The following TMX2 variants were observed in gnomAD, a reference collection of about 807,000 sequenced individuals.
TMX2 encodes thioredoxin related transmembrane protein 2, also known as thioredoxin-related transmembrane protein 2.
In TMX2, 20 loss-of-function variants were observed where a neutral mutation model predicts 33.4. The ratio of observed to expected loss-of-function variants is 0.60; its 90% CI spans 0.42 to 0.87. The LOEUF (loss-of-function observed/expected upper bound fraction) is 0.87. Among genes scored for constraint, TMX2 ranks in the 40% least tolerant of loss-of-function variants. The pLI is 0.00. For synonymous variants in TMX2, 166 were observed against 140.7 expected (o/e 1.18, Z -1.27); for missense variants, 340 against 370.7 (o/e 0.92, Z 0.68).
chr11:57,740,092 T>G lies in TMX2; in HGVS notation c.745-7T>G, dbSNP rs766717563. On this transcript the variant is annotated splice_polypyrimidine_tract_variant and splice_region_variant and intron_variant, in intron 7 of 7. Transcript: ENST00000278422. ...CAGATCCTGACGTGTGCATCTCTTT[T>G]GTGCAGGAGAATGTGATCCGAGAAT... 76 of 1,613,796 alleles carry G rather than the reference T, an allele frequency of 4.7e-5. No individual in the cohort carries two copies. The highest frequency in any genetic ancestry group is 4.3e-4 in the Admixed American group (26 of 59,992).
intron 4 of TMX2, 61 bp downstream of exon 4, chr11:57,738,491 TC>T (rs1948886034): frequency 7.3e-7 from 1 of 1,373,230 alleles, no homozygotes; most frequent in African/African-American, 1.4e-5. Flanking sequence ...GTAGTTGTGC[TC>T]TCCATTCACT....
rs371935276 is a variant in TMX2 at position 57,737,874 on chromosome 11, G to A, written c.251-39G>A. On this transcript the variant is annotated intron_variant, in intron 2 of 7. Coordinates refer to ENST00000278422, the MANE Select transcript of TMX2 (RefSeq NM_015959.4). ...GGGACAAAGAATGGGATATAGGAGTGCACAGCCCAGCCTGACCTGTGACAT... is the reference window on the plus strand; with the variant it reads ...GGGACAAAGAATGGGATATAGGAGTACACAGCCCAGCCTGACCTGTGACAT... The A allele has an allele frequency of 1.4e-5, 22 of 1,614,078 alleles. No homozygotes were observed. The African/African-American group carries it at 2.8e-4, about 21-fold the overall frequency.
intron 1 of TMX2, among the ~76,000 whole-genome samples, chr11:57,722,047 G>C (rs1022796728): frequency 1.3e-5 from 2 of 152,108 alleles, no homozygotes; most frequent in Non-Finnish European, 2.9e-5. Context: ...CCACGCTACA[G>C]TGCAGTGGCA....
intron 1 of TMX2, among the ~76,000 whole-genome samples, chr11:57,733,340 C>G (rs2135594931): frequency 6.7e-6 from 1 of 150,216 alleles, no homozygotes; most frequent in South Asian, 2.1e-4. Flanking sequence ...ACTGCAACCT[C>G]CGCCTCTCGG....
At chr11:57,717,201 C>T (rs936101769) in intron 1 of TMX2, among the ~76,000 whole-genome samples, 100 of 151,410 alleles carry the variant, frequency 6.6e-4, no homozygotes, top group African/African-American at 2.3e-3. Flanking sequence ...CGGGCAGAGA[C>T]GCTCCTCACT....
intron 1 of TMX2, among the ~76,000 whole-genome samples, chr11:57,721,365 T>G (rs940476003): frequency 9.0e-6 from 1 of 111,636 alleles, no homozygotes; most frequent in Non-Finnish European, 1.9e-5. Flanking sequence ...TTTTTTTTTT[T>G]GAGATGGAGT....
At chr11:57,721,021 T>C (rs3016292) in intron 1 of TMX2, among the ~76,000 whole-genome samples, 1 of 151,612 alleles carries the variant, frequency 6.6e-6, no homozygotes, top group Non-Finnish European at 1.5e-5. Flanking sequence ...TTTTTTTTTT[T>C]CCTCAGGCCA....
intron 1 of TMX2, among the ~76,000 whole-genome samples, chr11:57,731,352 T>G (rs1948390816): frequency 6.6e-6 from 1 of 151,560 alleles, no homozygotes; most frequent in African/African-American, 2.4e-5. Flanking sequence ...CAGGCTGGTC[T>G]TGAACTCCTG....
intron 1 of TMX2, among the ~76,000 whole-genome samples, chr11:57,735,522 A>G (rs1329233073): frequency 6.6e-6 from 1 of 152,090 alleles, no homozygotes; most frequent in Non-Finnish European, 1.5e-5. Context: ...GGAGAGCTTT[A>G]TTTCTCATAA....
At chr11:57,714,278 C>T (rs1442029525) in intron 1 of TMX2, among the ~76,000 whole-genome samples, 2 of 152,188 alleles carry the variant, frequency 1.3e-5, no homozygotes, top group African/African-American at 4.8e-5. Flanking sequence ...TGTTGTGTCT[C>T]ATTTCAGAAG....
Position 57,735,789 on chromosome 11 carries a change from G to A in TMX2, c.190-1819G>A, listed in dbSNP as rs2969945. ...GTGGCAATGTTAACCATGATCTGAG[G>A]TGGAGTTTTCAGCCCTCTCAAGTCA... On this transcript the variant is annotated intron_variant, in intron 1 of 7. Transcript: ENST00000278422. 9.9e-3 allele frequency among the ~76,000 whole-genome samples: 1,509 copies of A among 152,304 alleles called. 28 individuals are homozygous for A. The highest frequency in any genetic ancestry group is 0.035 in the African/African-American group (1,449 of 41,562).
intron 1 of TMX2, chr11:57,718,326 T>C (rs1947316060): frequency 6.4e-7 from 1 of 1,556,872 alleles, no homozygotes; most frequent in Admixed American, 1.7e-5. Context: ...AGTGCCATTA[T>C]GGCGTGTGAA....
chr11:57,719,071 T>C (rs1315640811), intron 1 of TMX2, among the ~76,000 whole-genome samples: 1 of 140,514 alleles, frequency 7.1e-6, no homozygotes, highest in East Asian at 2.0e-4. Flanking sequence ...AGAGTCTCAC[T>C]GTCACCCAGG....
chr11:57,717,921 C>G (rs1947288643), intron 1 of TMX2: 1 of 655,394 alleles, frequency 1.5e-6, no homozygotes, highest in Non-Finnish European at 2.7e-6. Flanking sequence ...CCAAAGGGAA[C>G]TGCAGTGAGA....
At chr11:57,728,500 G>T (rs543862288) in intron 1 of TMX2, among the ~76,000 whole-genome samples, 1 of 152,112 alleles carries the variant, frequency 6.6e-6, no homozygotes, top group African/African-American at 2.4e-5. Context: ...CTGAGTTCGA[G>T]CTTCTCCTTC....
intron 1 of TMX2, among the ~76,000 whole-genome samples, chr11:57,713,282 C>G (rs1005955718): frequency 6.6e-6 from 1 of 152,156 alleles, no homozygotes; most frequent in African/African-American, 2.4e-5. Context: ...GGACTTGAAA[C>G]TACTCTTCTG....
chr11:57,729,167 G>A (rs1425828946), intron 1 of TMX2, among the ~76,000 whole-genome samples: 1 of 151,988 alleles, frequency 6.6e-6, no homozygotes, highest in African/African-American at 2.4e-5. Context: ...AGGAGAAAAT[G>A]AGGAGAATGT....
chr11:57,738,775 G>A lies in TMX2; in HGVS notation c.548+5G>A. 1.2e-6 allele frequency: 2 copies of A among 1,608,642 alleles called. No individual in the cohort carries two copies. The highest frequency in any genetic ancestry group is 1.7e-6 in the Non-Finnish European group (2 of 1,174,970). On this transcript the variant is annotated splice_donor_5th_base_variant and intron_variant, in intron 5 of 7. Coordinates refer to ENST00000278422, the MANE Select transcript of TMX2 (RefSeq NM_015959.4). Reference sequence around the variant, plus strand: ...CTATGCTGACCTCTCCCTTAAGTGAGTAGTGCAAAGGGAGGGATGGTGGAA... The same window carrying A: ...CTATGCTGACCTCTCCCTTAAGTGAATAGTGCAAAGGGAGGGATGGTGGAA...
At chr11:57,735,626 AC>A (rs748703282) in intron 1 of TMX2, among the ~76,000 whole-genome samples, 8 of 152,230 alleles carry the variant, frequency 5.3e-5, no homozygotes, top group Non-Finnish European at 4.4e-5. Flanking sequence ...GGTAAAGGAA[AC>A]AGGAGTTTAT....
Sources: gnomAD v4.1 joint callset for allele counts (sites outside exome capture counted in the v4.1 genomes callset) on GRCh38, gnomAD v4.1.1 for gene constraint, MANE v1.5 for transcripts, NCBI Gene and HGNC (gene_info 2026-07-23, HGNC 2026-07-21) for gene names.